Variants in PDGFD observed in about 807,000 individuals in gnomAD.
The protein encoded by PDGFD is platelet-derived growth factor D.
PDGFD carries 30 observed loss-of-function variants against 44.7 expected under a neutral mutation model. The observed-to-expected ratio is 0.67, with a 90% CI of 0.50 to 0.91. PDGFD has a LOEUF of 0.91. Among genes scored for constraint, PDGFD ranks in the 40% least tolerant of loss-of-function variants. PDGFD has a pLI of 0.00. For synonymous variants in PDGFD, 173 were observed against 168.4 expected, an observed-to-expected ratio of 1.03 and a Z score of -0.21; for missense variants, 445 against 457.8, an observed-to-expected ratio of 0.97 and a Z score of 0.25.
chr11:103,915,676 T>C (rs1858111945), intron 6 of PDGFD, among the ~76,000 whole-genome samples: 2 of 152,184 alleles, frequency 1.3e-5, no homozygotes, highest in Non-Finnish European at 2.9e-5. Context: ...GGTATCATGC[T>C]ACCTGACTTA....
At chr11:104,112,972 C>T (rs550430904) in intron 1 of PDGFD, among the ~76,000 whole-genome samples, 1 of 152,052 alleles carries the variant, frequency 6.6e-6, no homozygotes, top group Admixed American at 6.6e-5. Flanking sequence ...TACAGCAAAC[C>T]TCCATGATAC....
At chr11:103,998,642 A>T (rs1215504789) in intron 2 of PDGFD, among the ~76,000 whole-genome samples, 2 of 152,168 alleles carry the variant, frequency 1.3e-5, no homozygotes, top group African/African-American at 4.8e-5. Context: ...CAAATTATTC[A>T]ACCCAAGAAG....
chr11:103,981,881 C>A (rs1859277955), intron 3 of PDGFD, among the ~76,000 whole-genome samples: 1 of 151,730 alleles, frequency 6.6e-6, no homozygotes, highest in Admixed American at 6.6e-5. Context: ...AACAGAAGAC[C>A]CAAATCTTGC....
intron 6 of PDGFD, among the ~76,000 whole-genome samples, chr11:103,923,694 C>G (rs1858260875): frequency 6.6e-6 from 1 of 152,196 alleles, no homozygotes; most frequent in South Asian, 2.1e-4. Context: ...CTGTTTCCCA[C>G]AGGGCACTTG....
chr11:104,078,810 C>T (rs1861004412), intron 1 of PDGFD, among the ~76,000 whole-genome samples: 1 of 46,412 alleles, frequency 2.2e-5, no homozygotes, highest in African/African-American at 2.8e-4. Flanking sequence ...AATGTTTAGG[C>T]ATTCAGCTAT....
intron 1 of PDGFD, among the ~76,000 whole-genome samples, chr11:104,060,481 G>A (rs1252948286): frequency 1.3e-5 from 2 of 152,170 alleles, no homozygotes; most frequent in Non-Finnish European, 1.5e-5. Flanking sequence ...TCTCAGTGCA[G>A]GGGTTGGGAA....
intron 1 of PDGFD, among the ~76,000 whole-genome samples, chr11:104,053,138 T>C (rs923244379): frequency 1.3e-5 from 2 of 152,198 alleles, no homozygotes; most frequent in Non-Finnish European, 2.9e-5. Flanking sequence ...TCTATTCAAC[T>C]GAAGTGGGTT....
intron 1 of PDGFD, among the ~76,000 whole-genome samples, chr11:104,092,205 A>G (rs570654252): frequency 2.6e-5 from 4 of 152,136 alleles, no homozygotes; most frequent in Non-Finnish European, 2.9e-5. Context: ...GGATTTTTCA[A>G]CTACATCATG....
At position 104,049,904 on chromosome 11, in the gene PDGFD, T is replaced by C. The variant is rs112855155; in HGVS notation, c.125-49649A>G. Among the ~76,000 whole-genome samples the C allele has an allele frequency of 2.3e-3, 344 of 152,000 alleles. 1 individual carries two copies. Among genetic ancestry groups the C allele is most frequent in the African/African-American group, 7.5e-3 (309 of 41,470 alleles). Reference sequence around the variant, plus strand: ...GGTTAGAAGGGGGTTGAGGAGCCAATTGGATTGGAGGAGGTGGGAGAGCAA... The same window carrying C: ...GGTTAGAAGGGGGTTGAGGAGCCAACTGGATTGGAGGAGGTGGGAGAGCAA... On this transcript the variant is annotated intron_variant, in intron 1 of 6. Coordinates refer to ENST00000393158, the MANE Select transcript of PDGFD (RefSeq NM_025208.5).
intron 1 of PDGFD, chr11:104,037,420 C>T: frequency 6.2e-7 from 1 of 1,614,100 alleles, no homozygotes; most frequent in African/African-American, 1.3e-5. Context: ...GAGGCTTCGT[C>T]TCTACACAGC....
chr11:103,921,374 T>G (rs1330864189), intron 6 of PDGFD, among the ~76,000 whole-genome samples: 1 of 152,174 alleles, frequency 6.6e-6, no homozygotes, highest in Non-Finnish European at 1.5e-5. Context: ...AATTTGAAAA[T>G]TTAGGTACTT....
intron 1 of PDGFD, among the ~76,000 whole-genome samples, chr11:104,036,260 T>C (rs1467858260): frequency 6.6e-6 from 1 of 151,726 alleles, no homozygotes; most frequent in Non-Finnish European, 1.5e-5. Context: ...GACAACACAG[T>C]GAGACCCCAA....
At chr11:103,940,474 C>T (rs1262880760) in intron 5 of PDGFD, among the ~76,000 whole-genome samples, 1 of 152,052 alleles carries the variant, frequency 6.6e-6, no homozygotes, top group Non-Finnish European at 1.5e-5. Context: ...TAGAAGGAGA[C>T]TTTTTGGAGA....
intron 3 of PDGFD, among the ~76,000 whole-genome samples, chr11:103,962,834 A>G (rs1858960422): frequency 6.6e-6 from 1 of 152,178 alleles, no homozygotes; most frequent in African/African-American, 2.4e-5. Flanking sequence ...TATCTGGCTC[A>G]GGTAGACATT....
At chr11:104,132,158 C>G (rs1861933250) in intron 1 of PDGFD, among the ~76,000 whole-genome samples, 1 of 151,934 alleles carries the variant, frequency 6.6e-6, no homozygotes, top group African/African-American at 2.4e-5. Context: ...TCACTCATTC[C>G]AAGGTCAGTT....
chr11:104,029,763 T>C (rs192184629), intron 1 of PDGFD, among the ~76,000 whole-genome samples: 1 of 152,334 alleles, frequency 6.6e-6, no homozygotes, highest in African/African-American at 2.4e-5. Context: ...TATTACTCTG[T>C]ACACTAAGGT....
At chr11:104,108,699 G>C (rs1277084420) in intron 1 of PDGFD, among the ~76,000 whole-genome samples, 2 of 152,092 alleles carry the variant, frequency 1.3e-5, no homozygotes, top group Non-Finnish European at 2.9e-5. Flanking sequence ...TTCCATTACT[G>C]GGTATATACC....
chr11:104,006,523 A>G (rs1859703520), intron 1 of PDGFD, among the ~76,000 whole-genome samples: 1 of 152,206 alleles, frequency 6.6e-6, no homozygotes, highest in Non-Finnish European at 1.5e-5. Flanking sequence ...GGAAATCCAC[A>G]GCCCTAAATG....
At chr11:104,062,354 C>G (rs1201724098) in intron 1 of PDGFD, among the ~76,000 whole-genome samples, 1 of 152,226 alleles carries the variant, frequency 6.6e-6, no homozygotes, top group Non-Finnish European at 1.5e-5. Context: ...TGTTCTTTCT[C>G]TGCATGTCGT....
Sources: gnomAD v4.1 joint callset for allele counts (sites outside exome capture counted in the v4.1 genomes callset) on GRCh38, gnomAD v4.1.1 for gene constraint, MANE v1.5 for transcripts, NCBI Gene and HGNC (gene_info 2026-07-23, HGNC 2026-07-21) for gene names.